RGPD8: variants seen among roughly 807,000 people sequenced by gnomAD.
The protein encoded by RGPD8 is RANBP2 like and GRIP domain containing 8.
Under a neutral mutation model 89.1 loss-of-function variants are expected in RGPD8, and 15 were observed. The ratio of observed to expected loss-of-function variants is 0.17; its 90% CI spans 0.11 to 0.26. RGPD8 has a LOEUF of 0.26. RGPD8 is among the 10% of genes least tolerant of loss of function. RGPD8 has a pLI of 1.00. For synonymous variants in RGPD8, 62 were observed against 420.9 expected (o/e 0.15, Z 10.44); for missense variants, 178 against 1,179.6 (o/e 0.15, Z 12.44).
rs1174394110 is a variant in RGPD8 at position 112,380,289 on chromosome 2, A to C, written c.5061+535T>G. On this transcript the variant is annotated intron_variant, in intron 21 of 22. Coordinates refer to ENST00000302558, the MANE Select transcript of RGPD8 (RefSeq NM_001164463.1). ...AACAATGATTTGTGAACATCTCTCT[A>C]GTTTCTAAATCTATTACGGTTTCTT... Among the ~76,000 whole-genome samples, 39 of 131,320 alleles carry C rather than the reference A, an allele frequency of 3.0e-4. No individual in the cohort carries two copies. The South Asian group carries it at 0.011, about 39-fold the overall frequency. 86.2% of individuals were successfully genotyped at this position (131,320 alleles called of 152,430 possible).
At chr2:112,426,745 A>G (rs1449820773) in intron 1 of RGPD8, among the ~76,000 whole-genome samples, 2 of 152,118 alleles carry the variant, frequency 1.3e-5, no homozygotes, top group African/African-American at 4.8e-5. Context: ...CTCAAAAAAA[A>G]AAAGAACTAT....
intron 20 of RGPD8, among the ~76,000 whole-genome samples, chr2:112,381,926 G>A (rs1269276691): frequency 6.6e-6 from 1 of 152,310 alleles, no homozygotes; most frequent in East Asian, 1.9e-4. Context: ...ATTAAAGGAT[G>A]CAAAGTATTA....
intron 1 of RGPD8, among the ~76,000 whole-genome samples, chr2:112,429,415 C>CAA (rs71412832): frequency 0.011 from 512 of 45,374 alleles, 17 homozygotes; most frequent in Non-Finnish European, 0.012. Context: ...GACTCCGTCT[C>CAA]AAAAAAAAAA....
chr2:112,370,174 A>G lies in RGPD8; in HGVS notation c.*4T>C. On this transcript the variant is annotated 3_prime_UTR_variant, in exon 23 of 23. Transcript: ENST00000302558. ...AGTCCAAACCAACTACGAAGATAGG[A>G]TGCTCATCCAGAAGAACGGGAAGGA... The G allele has an allele frequency of 6.5e-7, 1 of 1,548,998 alleles. No homozygotes were observed. Among genetic ancestry groups the G allele is most frequent in the South Asian group, 1.2e-5 (1 of 86,454 alleles).
rs567007167 is a variant in RGPD8, at chr2:112,377,403, T to C, written c.5263+650A>G. On this transcript the variant is annotated intron_variant, in intron 22 of 22. Transcript: ENST00000302558. ...AAGCGACTCTGCTGCCTCAGCCCCC[T>C]GAGTAGCTGGGACTACAGGCGCATG... 1.8e-5 allele frequency among the ~76,000 whole-genome samples: 2 copies of C among 109,172 alleles called. 1 individual carries two copies. The highest frequency in any genetic ancestry group is 6.1e-4 in the East Asian group (2 of 3,258). The allele number at this position is 109,172 out of a possible 152,430, so 71.6% of individuals were successfully genotyped here. A position where few individuals can be genotyped will look rare whatever the true frequency, so the allele number is the denominator to read the frequency against.
chr2:112,417,111 T>G lies in RGPD8; in HGVS notation c.782+82A>C, dbSNP rs1045740940. On this transcript the variant is annotated intron_variant, in intron 6 of 22. Coordinates refer to ENST00000302558, the MANE Select transcript of RGPD8 (RefSeq NM_001164463.1). ...GTACATTATAGAAATAATGATTCAGTGAAGAAGTTTAGAGCAATGAACTTA... is the reference window on the plus strand; with the variant it reads ...GTACATTATAGAAATAATGATTCAGGGAAGAAGTTTAGAGCAATGAACTTA... The G allele has an allele frequency of 1.6e-5, 25 of 1,606,852 alleles. 4 individuals carry two copies. The African/African-American group carries it at 3.0e-4, about 19-fold the overall frequency.
intron 9 of RGPD8, among the ~76,000 whole-genome samples, chr2:112,402,513 G>GAAAAGAAAAA (rs1678905657): frequency 2.0e-5 from 3 of 152,116 alleles, no homozygotes; most frequent in African/African-American, 7.3e-5. Context: ...GAAAAGAAAA[G>GAAAAGAAAAA]AAAAGAAAAG....
chr2:112,411,510 G>C (rs1312738301), intron 7 of RGPD8, among the ~76,000 whole-genome samples: 1 of 37,802 alleles, frequency 2.6e-5, no homozygotes, highest in Admixed American at 4.2e-4. Context: ...GGTGGAGCTT[G>C]CAGTGAGCCG....
rs1679670756 is a variant in RGPD8 at position 112,424,381 on chromosome 2, G to A, written c.73-74C>T. 3.4e-6 allele frequency: 5 copies of A among 1,449,492 alleles called. No homozygotes were observed. In the South Asian group the frequency reaches 4.7e-5, roughly 14 times the overall value. The allele number at this position is 1,449,492 out of a possible 1,614,324, so 89.8% of individuals were successfully genotyped here. ...CAACATTTTTTCAAAAGTAGTTAAA[G>A]CCTGACAAATGCATAATTCCATGTT... On this transcript the variant is annotated intron_variant, in intron 1 of 22. Coordinates refer to ENST00000302558, the MANE Select transcript of RGPD8 (RefSeq NM_001164463.1).
chr2:112,429,746 CA>C (rs780981164), intron 1 of RGPD8, among the ~76,000 whole-genome samples: 127 of 152,236 alleles, frequency 8.3e-4, no homozygotes, highest in Non-Finnish European at 1.3e-3. Flanking sequence ...CTTGACAGAA[CA>C]TAGAAAAACT....
intron 2 of RGPD8, among the ~76,000 whole-genome samples, chr2:112,423,789 T>C (rs2673118): frequency 1.2e-4 from 18 of 152,340 alleles, no homozygotes; most frequent in African/African-American, 3.1e-4. Flanking sequence ...CCAAGCTTCT[T>C]ATCCCTAGGA....
chr2:112,415,850 G>A (rs1317720766), intron 6 of RGPD8, among the ~76,000 whole-genome samples: 2 of 147,562 alleles, frequency 1.4e-5, no homozygotes, highest in Non-Finnish European at 3.0e-5. Flanking sequence ...ACCACTGCAT[G>A]CCAACCTGGC....
chr2:112,431,004 CACTTTGGG>C (rs1244676677), intron 1 of RGPD8, among the ~76,000 whole-genome samples: 1 of 152,142 alleles, frequency 6.6e-6, no homozygotes, highest in Non-Finnish European at 1.5e-5. Flanking sequence ...ATAATCCCAA[CACTTTGGG>C]AAGTGGAGGC....
rs1254031423 is a variant in RGPD8, at chr2:112,425,488, G to A, written c.73-1181C>T. Reference sequence around the variant, plus strand: ...TGCTGATGCACACCAGGCTGGGTGCGGTGGCTCACACCTGTAATCCCAGCA... The same window carrying A: ...TGCTGATGCACACCAGGCTGGGTGCAGTGGCTCACACCTGTAATCCCAGCA... On this transcript the variant is annotated intron_variant, in intron 1 of 22. Transcript: ENST00000302558. 3.3e-5 allele frequency among the ~76,000 whole-genome samples: 5 copies of A among 152,114 alleles called. No homozygotes were observed. In the East Asian group the frequency reaches 7.7e-4, roughly 24 times the overall value.
At chr2:112,390,425 T>C (rs1008055262) in intron 19 of RGPD8, among the ~76,000 whole-genome samples, 178 bp from the exon 20 acceptor site, 2 of 137,256 alleles carry the variant, frequency 1.5e-5, no homozygotes, top group African/African-American at 2.7e-5. Flanking sequence ...TTCTAAGCAC[T>C]TTACATTATT....
At chr2:112,414,211 C>T (rs1281978876) in intron 6 of RGPD8, among the ~76,000 whole-genome samples, 1 of 139,026 alleles carries the variant, frequency 7.2e-6, no homozygotes, top group Non-Finnish European at 1.5e-5. Context: ...CGCAGTGGCT[C>T]ACACATGTAA....
intron 20 of RGPD8, among the ~76,000 whole-genome samples, chr2:112,387,451 C>A (rs1303241666): frequency 7.0e-6 from 1 of 141,964 alleles, no homozygotes; most frequent in Non-Finnish European, 1.6e-5. Flanking sequence ...ACCTCCATCT[C>A]CTGTGCTCAA....
At position 112,416,034 on chromosome 2, in the gene RGPD8, G is replaced by A. The variant is rs1341858905; in HGVS notation, c.782+1159C>T. Reference sequence around the variant, plus strand: ...GAACCCGGGAGGCGGAGGTTACAGTGAGCCAAGGTCGTGCCACTGCACTCC... The same window carrying A: ...GAACCCGGGAGGCGGAGGTTACAGTAAGCCAAGGTCGTGCCACTGCACTCC... On this transcript the variant is annotated intron_variant, in intron 6 of 22. Coordinates refer to ENST00000302558, the MANE Select transcript of RGPD8 (RefSeq NM_001164463.1). 4.0e-5 allele frequency among the ~76,000 whole-genome samples: 6 copies of A among 150,342 alleles called. No individual in the cohort carries two copies. The East Asian group carries it at 7.9e-4, about 20-fold the overall frequency.
At chr2:112,428,783 T>C (rs1471851121) in intron 1 of RGPD8, among the ~76,000 whole-genome samples, 39 of 152,176 alleles carry the variant, frequency 2.6e-4, no homozygotes, top group Non-Finnish European at 1.5e-5. Context: ...TTTAAATTGC[T>C]GAGTTTAAGT....
Sources: gnomAD v4.1 joint callset for allele counts (sites outside exome capture counted in the v4.1 genomes callset) on GRCh38, gnomAD v4.1.1 for gene constraint, MANE v1.5 for transcripts, NCBI Gene and HGNC (gene_info 2026-07-23, HGNC 2026-07-21) for gene names.